TP53TG3D: variants seen among roughly 807,000 people sequenced by gnomAD.
TP53TG3D encodes the protein TP53-target gene 3 protein.
For synonymous variants in TP53TG3D, 2 were observed against 56.9 expected, an observed-to-expected ratio of 0.04 and a Z score of 4.34; for missense variants, 4 against 139.9, an observed-to-expected ratio of 0.03 and a Z score of 4.90.
rs1421227980 is a variant in TP53TG3D at position 32,255,056 on chromosome 16, G to T, written c.*153G>T. 8.0e-6 allele frequency: 12 copies of T among 1,500,996 alleles called. 1 individual carries two copies. Among genetic ancestry groups the T allele is most frequent in the Non-Finnish European group, 3.7e-6 (4 of 1,093,414 alleles). The allele number at this position is 1,500,996 out of a possible 1,614,324, so 93.0% of individuals were successfully genotyped here. A position where few individuals can be genotyped will look rare whatever the true frequency, so the allele number is the denominator to read the frequency against. The stretch of plus-strand genomic sequence containing the variant: ...GAAACAAATTTAAATAAGTTCTAAG[G>T]TAAAGAATGGAACATTTAAGACAAG... On this transcript the variant is annotated 3_prime_UTR_variant, in exon 2 of 2. Transcript: ENST00000398664.
chr16:32,253,883 GCCTCT>G, intron 1 of TP53TG3D, 168 bp downstream of exon 1: 7 of 1,255,582 alleles, frequency 5.6e-6, no homozygotes, highest in Non-Finnish European at 7.3e-6. Context: ...CAGTTCTCAG[GCCTCT>G]TGGGATCGCC....
exon 2 of TP53TG3D, chr16:32,255,004 G>A: frequency 1.6e-6 from 2 of 1,263,076 alleles, no homozygotes; most frequent in South Asian, 2.5e-5. Context: ...TCTCTCTGGA[G>A]CATCAATATT....
chr16:32,255,042 A>G (rs1962192036), exon 2 of TP53TG3D: 9 of 1,485,760 alleles, frequency 6.1e-6, no homozygotes, highest in Middle Eastern at 2.4e-4. Context: ...AAACAAATTT[A>G]AATAAGTTCT....
chr16:32,254,501 T>C, intron 1 of TP53TG3D: 1 of 1,515,560 alleles, frequency 6.6e-7, no homozygotes, highest in Non-Finnish European at 8.8e-7. Context: ...ACCAGTGTAA[T>C]AAAGAGGAGA....
chr16:32,255,108 CTG>C, exon 2 of TP53TG3D: 5 of 1,058,862 alleles, frequency 4.7e-6, no homozygotes, highest in Non-Finnish European at 7.0e-6. Context: ...CCTTTAATAA[CTG>C]TCGTTTGTCC....
chr16:32,254,765 C>G, intron 1 of TP53TG3D, 126 bp from the exon 2 acceptor site: 1 of 1,574,566 alleles, frequency 6.4e-7, no homozygotes, highest in Non-Finnish European at 8.6e-7. Context: ...AGTGTCTGCG[C>G]TTCTACCCTG....
exon 2 of TP53TG3D, chr16:32,255,268 G>A (rs1428574600): frequency 1.8e-5 from 6 of 326,268 alleles, no homozygotes; most frequent in Admixed American, 9.2e-5. Flanking sequence ...GGTTTTATTT[G>A]TACTTTTGTG....
At chr16:32,254,261 A>G in intron 1 of TP53TG3D, 1 of 984,938 alleles carries the variant, frequency 1.0e-6, no homozygotes. Flanking sequence ...GGCAGGTCTC[A>G]GGCTCCTTGG....
At chr16:32,255,338 T>C (rs1335075208) in exon 2 of TP53TG3D, 1 of 267,532 alleles carries the variant, frequency 3.7e-6, no homozygotes, top group Non-Finnish European at 7.3e-6. Context: ...TTTTTGCAAG[T>C]TTGCAGCTGT....
exon 2 of TP53TG3D, chr16:32,255,065 G>A: frequency 6.8e-7 from 1 of 1,480,046 alleles, no homozygotes; most frequent in Non-Finnish European, 9.3e-7. Flanking sequence ...GGTAAAGAAT[G>A]GAACATTTAA....
exon 2 of TP53TG3D, chr16:32,255,171 C>G: frequency 3.1e-6 from 2 of 648,844 alleles, no homozygotes; most frequent in Non-Finnish European, 5.3e-6. Context: ...TATTTCCATT[C>G]TTACAAATAG....
At chr16:32,255,256 A>G (rs1406996950) in exon 2 of TP53TG3D, 3 of 378,446 alleles carry the variant, frequency 7.9e-6, no homozygotes, top group Non-Finnish European at 1.5e-5. Context: ...TGGCCTTGGT[A>G]TGGTTTTATT....
intron 1 of TP53TG3D, 144 bp from the exon 2 acceptor site, chr16:32,254,747 T>G: frequency 6.5e-7 from 1 of 1,540,008 alleles, no homozygotes; most frequent in Non-Finnish European, 8.7e-7. Context: ...TGTGGTGAGG[T>G]CAGGGATAGT....
At chr16:32,254,563 T>TA (rs1596739724) in intron 1 of TP53TG3D, 1 of 1,474,204 alleles carries the variant, frequency 6.8e-7, no homozygotes, top group Non-Finnish European at 9.0e-7. Context: ...AGGAAACAGC[T>TA]ACGGGGATGG....
At chr16:32,254,822 G>T in intron 1 of TP53TG3D, 69 bp from the exon 2 acceptor site, 4 of 1,606,682 alleles carry the variant, frequency 2.5e-6, no homozygotes, top group Non-Finnish European at 3.4e-6. Context: ...ATACCCCCTT[G>T]GACCACTTTT....
exon 2 of TP53TG3D, chr16:32,255,561 T>TC (rs1330117380): frequency 3.8e-4 from 22 of 58,102 alleles, no homozygotes; most frequent in Non-Finnish European, 6.6e-4. Context: ...TCTTTAAACT[T>TC]TTTTTTTTCC....
chr16:32,254,701 G>A (rs1490273794), intron 1 of TP53TG3D, 190 bp from the exon 2 acceptor site: 7 of 1,456,518 alleles, frequency 4.8e-6, no homozygotes, highest in African/African-American at 4.4e-5. Context: ...GGACCAGAGC[G>A]CCCCTTGGTC....
At chr16:32,254,774 T>C in intron 1 of TP53TG3D, 117 bp from the exon 2 acceptor site, 2 of 1,592,126 alleles carry the variant, frequency 1.3e-6, no homozygotes, top group Non-Finnish European at 1.7e-6. Flanking sequence ...GCTTCTACCC[T>C]GAATAGGGCT....
At position 32,253,734 on chromosome 16, in the gene TP53TG3D, GGGT is replaced by G. The variant is rs1567303416; in HGVS notation, c.362+22_362+24del. On this transcript the variant is annotated intron_variant, in intron 1 of 1. Coordinates refer to ENST00000398664, the Ensembl canonical transcript of TP53TG3D. ...TGTCAAGGTAACGCTCCTCAGACAA[GGGT>G]GGGGCGCGGCCCGCCCCTTTTCTCA... 6.2e-7 allele frequency: 1 copy of G among 1,607,388 alleles called. No individual in the cohort carries two copies. Among genetic ancestry groups the G allele is most frequent in the Non-Finnish European group, 8.5e-7 (1 of 1,178,372 alleles).
Sources: allele counts gnomAD v4.1 joint callset, GRCh38; gene constraint gnomAD v4.1.1; transcripts MANE v1.5; gene names NCBI Gene and HGNC (gene_info 2026-07-23, HGNC 2026-07-21).